Variants in AXIN1 observed in about 807,000 individuals in gnomAD.
The protein encoded by AXIN1 is axin-1.
Under a neutral mutation model 76.4 loss-of-function variants are expected in AXIN1, and 30 were observed. The observed-to-expected ratio is 0.39, with a 90% CI of 0.29 to 0.53. The LOEUF is 0.53. AXIN1 is among the 20% of genes least tolerant of loss of function. AXIN1 has a pLI of 0.66. For missense variants in AXIN1, 1,140 were observed against 1,198.8 expected (o/e 0.95, Z 0.72); for synonymous variants, 545 against 501.4 (o/e 1.09, Z -1.16).
At chr16:318,520 C>A (rs1256732532) in intron 2 of AXIN1, among the ~76,000 whole-genome samples, 2 of 152,206 alleles carry the variant, frequency 1.3e-5, no homozygotes, top group African/African-American at 2.4e-5. Context: ...AAGACACAGG[C>A]GGCCGGGCTT....
In AXIN1 at chr16:288,449, G is replaced by A. The variant is rs183623020; in HGVS notation, c.2463-201C>T. ...ATGTGGGTGAAGTGGGCAGCCATGG[G>A]GGGTGAGTTCACTGCCTGCTGGGAG... On this transcript the variant is annotated intron_variant, in intron 10 of 10. Coordinates refer to ENST00000262320, the MANE Select transcript of AXIN1 (RefSeq NM_003502.4). 1,041 of 763,910 alleles carry A rather than the reference G, an allele frequency of 1.4e-3. 4 individuals are homozygous for A. Among genetic ancestry groups the A allele is most frequent in the Middle Eastern group, 2.2e-3 (6 of 2,712 alleles). 47.3% of individuals were successfully genotyped at this position (763,910 alleles called of 1,614,324 possible).
At chr16:337,422 A>C (rs879571380) in intron 2 of AXIN1, among the ~76,000 whole-genome samples, 2 of 151,592 alleles carry the variant, frequency 1.3e-5, no homozygotes, top group African/African-American at 2.4e-5. Context: ...GGGTTATTTT[A>C]AATGTTTGTT....
In AXIN1 at chr16:303,329, A is replaced by T. The variant is rs546971900; in HGVS notation, c.1254+975T>A. 1.8e-4 allele frequency among the ~76,000 whole-genome samples: 27 copies of T among 151,696 alleles called. 1 individual carries two copies. In the South Asian group the frequency reaches 5.6e-3, roughly 32 times the overall value. On this transcript the variant is annotated intron_variant, in intron 5 of 10. Transcript: ENST00000262320. ...CGCGTCTTCCTAGGTGGAACCTGGGATTCAATCTGCGAGGCGGGAAGCACA... is the reference window on the plus strand; with the variant it reads ...CGCGTCTTCCTAGGTGGAACCTGGGTTTCAATCTGCGAGGCGGGAAGCACA...
chr16:306,624 C>T (rs1222063877), intron 4 of AXIN1, among the ~76,000 whole-genome samples: 1 of 152,358 alleles, frequency 6.6e-6, no homozygotes, highest in East Asian at 1.9e-4. Context: ...CACAAAAGGC[C>T]TCCTCCAGGC....
At chr16:351,143 A>AAAAAAAG (rs1459187053) in intron 1 of AXIN1, among the ~76,000 whole-genome samples, 13 of 151,838 alleles carry the variant, frequency 8.6e-5, no homozygotes, top group African/African-American at 3.1e-4. Context: ...AAAAAAAAAA[A>AAAAAAAG]AAAACTGAAA....
At position 298,008 on chromosome 16, in the gene AXIN1, C is replaced by T. The variant is rs2141512947; in HGVS notation, c.1498G>A (p.Ala500Thr). 6.3e-7 allele frequency: 1 copy of T among 1,597,828 alleles called. No individual in the cohort carries two copies. Among genetic ancestry groups the T allele is most frequent in the Non-Finnish European group, 8.5e-7 (1 of 1,177,398 alleles). Residue 500 changes from alanine (A) to threonine (T), a missense_variant, in exon 6 of 11, where the codon GCC becomes ACC. Physicochemically the swap from Ala to Thr is moderately conservative, Grantham distance 58. Coordinates refer to ENST00000262320, the MANE Select transcript of AXIN1 (RefSeq NM_003502.4). ...GHRSPDSGHVAKMPVALGGAA... is the reference protein window; with the variant it reads ...GHRSPDSGHVTKMPVALGGAA... The stretch of plus-strand genomic sequence containing the variant: ...CCCCCCAGTGCCACTGGCATCTTGG[C>T]CACGTGCCCACTGTCCGGGGAGCGA...
rs749010811 is a variant in AXIN1, at chr16:297,195, C to A, written c.1816G>T (p.Ala606Ser). Residue 606 changes from alanine (A) to serine (S), a missense_variant, in exon 7 of 11, where the codon GCC becomes TCC. Ala to Ser is a moderately conservative substitution (Grantham distance 99). Coordinates refer to ENST00000262320, the MANE Select transcript of AXIN1 (RefSeq NM_003502.4). The part of the protein sequence containing the change: ...GKVGVACKRN[A>S]KKAESGKSAS... ...CTCTTCCCCGACTCAGCCTTCTTGG[C>A]ATTTCTTTTGCACGCCACGCCCACC... 2.5e-6 allele frequency: 4 copies of A among 1,609,522 alleles called. No individual in the cohort carries two copies. In the Admixed American group the frequency reaches 5.0e-5, roughly 20 times the overall value.
chr16:309,660 C>A (rs1374736185), intron 4 of AXIN1, among the ~76,000 whole-genome samples: 2 of 152,214 alleles, frequency 1.3e-5, no homozygotes, highest in African/African-American at 2.4e-5. Flanking sequence ...CTCAGAGCTC[C>A]CCCTCTTGAG....
In AXIN1 at chr16:308,683, T is replaced by C. The variant is rs541442262; in HGVS notation, c.1116+1290A>G. ...GCCCTCGACTTGGGCTGTGACCTCA[T>C]GATAGCCTTGGGCCATGCCTGGCAG... On this transcript the variant is annotated intron_variant, in intron 4 of 10. Transcript: ENST00000262320. Among the ~76,000 whole-genome samples, 11 of 152,354 alleles carry C rather than the reference T, an allele frequency of 7.2e-5. No homozygotes were observed. The South Asian group carries it at 8.3e-4, about 11-fold the overall frequency.
intron 2 of AXIN1, among the ~76,000 whole-genome samples, chr16:336,977 G>A (rs1048475163): frequency 4.6e-5 from 7 of 151,102 alleles, no homozygotes; most frequent in African/African-American, 1.2e-4. Context: ...GTGAAACCCC[G>A]TCTCTACTAA....
intron 2 of AXIN1, among the ~76,000 whole-genome samples, chr16:334,546 C>G (rs1387787650): frequency 6.6e-6 from 1 of 151,292 alleles, no homozygotes; most frequent in South Asian, 2.1e-4. Context: ...CACAGCATGC[C>G]AATAACACAG....
At chr16:333,259 G>T (rs2053730991) in intron 2 of AXIN1, among the ~76,000 whole-genome samples, 1 of 151,620 alleles carries the variant, frequency 6.6e-6, no homozygotes, top group African/African-American at 2.4e-5. Context: ...TTGAACCCGG[G>T]AGGCAGCGGA....
In AXIN1 at chr16:293,527, T is replaced by A. The variant is rs1354628768; in HGVS notation, c.2147A>T (p.Glu716Val). ...QLEEARRRLE[E>V]EEKRASRAPS... The stretch of plus-strand genomic sequence containing the variant: ...TGCTCGGCTGGCTCTCTTTTCTTCC[T>A]CCTCCAGACGTCGGCGCGCCTCCTC... Residue 716 changes from glutamate to valine, a missense_variant, in exon 8 of 11, where the codon GAG becomes GTG. Around this residue, in one of 3 missense-constraint regions of AXIN1, gnomAD observed 429 missense variants for 405.8 expected, o/e 1.06. Coordinates refer to ENST00000262320, the MANE Select transcript of AXIN1 (RefSeq NM_003502.4). The surrounding 1 kb of genome is among the most constrained non-coding windows in gnomAD (Gnocchi z 4.6). 2 of 1,610,500 alleles carry A rather than the reference T, an allele frequency of 1.2e-6. No homozygotes were observed. The highest frequency in any genetic ancestry group is 1.7e-6 in the Non-Finnish European group (2 of 1,179,928).
intron 2 of AXIN1, among the ~76,000 whole-genome samples, chr16:342,476 T>G (rs1368964855): frequency 6.6e-6 from 1 of 152,120 alleles, no homozygotes; most frequent in Non-Finnish European, 1.5e-5. Context: ...GTAGCAATGC[T>G]CACCAGCCGC....
chr16:306,025 G>T (rs2053014090), intron 4 of AXIN1, among the ~76,000 whole-genome samples: 5 of 152,062 alleles, frequency 3.3e-5, no homozygotes. Flanking sequence ...TGCAAAAATA[G>T]AACAAGGAAT....
At chr16:299,857 G>A (rs773726821) in intron 5 of AXIN1, among the ~76,000 whole-genome samples, 12 of 150,882 alleles carry the variant, frequency 8.0e-5, no homozygotes, top group Non-Finnish European at 1.2e-4. Context: ...GAGTTTCACC[G>A]TGTTAGCCAG....
At chr16:295,963 T>C (rs2052700924) in intron 7 of AXIN1, among the ~76,000 whole-genome samples, 1 of 129,526 alleles carries the variant, frequency 7.7e-6, no homozygotes, top group African/African-American at 3.2e-5. Flanking sequence ...CTAGACTCCG[T>C]CTCAAAAAAA....
At chr16:307,992 C>A (rs2053073153) in intron 4 of AXIN1, among the ~76,000 whole-genome samples, 1 of 152,368 alleles carries the variant, frequency 6.6e-6, no homozygotes, top group Non-Finnish European at 1.5e-5. Flanking sequence ...CACAGCCCCA[C>A]CTGACAGGCC....
At chr16:310,212 A>C in intron 3 of AXIN1, 143 bp from the exon 4 acceptor site, 1 of 728,296 alleles carries the variant, frequency 1.4e-6, no homozygotes, top group Admixed American at 2.0e-5. Flanking sequence ...ACACGTGCAC[A>C]CAGGTGATGC....
Sources: gnomAD v4.1 joint callset for allele counts (sites outside exome capture counted in the v4.1 genomes callset) on GRCh38, gnomAD v4.1.1 for gene constraint, gnomAD v4.1.1 regional missense constraint, Gnocchi (gnomAD v3.1) non-coding constraint, MANE v1.5 for transcripts, NCBI Gene and HGNC (gene_info 2026-07-23, HGNC 2026-07-21) for gene names.